Variants in KMT2C observed in about 807,000 individuals in gnomAD.
KMT2C encodes the protein histone-lysine N-methyltransferase 2C.
KMT2C carries 88 observed loss-of-function variants against 507.9 expected under a neutral mutation model. The ratio of observed to expected loss-of-function variants is 0.17; its 90% CI spans 0.15 to 0.21. KMT2C has a LOEUF of 0.21. KMT2C is among the 10% of genes least tolerant of loss of function. The pLI is 1.00. For synonymous variants in KMT2C, 2,049 were observed against 2,080.8 expected (o/e 0.98, Z 0.42); for missense variants, 4,954 against 5,957.8 (o/e 0.83, Z 5.55).
intron 50 of KMT2C, 40 bp from the exon 51 acceptor site, chr7:152,151,047 C>A: frequency 1.6e-6 from 2 of 1,240,430 alleles, no homozygotes; most frequent in South Asian, 1.3e-5. Flanking sequence ...CTCAACAAGT[C>A]AAAATTTAAT....
chr7:152,139,960 T>G (rs1221236301), intron 55 of KMT2C, among the ~76,000 whole-genome samples, 169 bp from the exon 56 acceptor site: 1 of 152,212 alleles, frequency 6.6e-6, no homozygotes, highest in Non-Finnish European at 1.5e-5. Flanking sequence ...AATTGGACAT[T>G]TTTACTACTT....
intron 31 of KMT2C, among the ~76,000 whole-genome samples, chr7:152,192,551 GA>G (rs957035307): frequency 0.012 from 1,585 of 135,008 alleles, 29 homozygotes; most frequent in African/African-American, 0.04. Context: ...AGAAAAAAAA[GA>G]AAAAAAAAAA....
intron 6 of KMT2C, among the ~76,000 whole-genome samples, chr7:152,298,838 G>C (rs1002881988): frequency 2.0e-5 from 3 of 152,094 alleles, no homozygotes; most frequent in Non-Finnish European, 4.4e-5. Flanking sequence ...CAAATGCATG[G>C]CAGCAATAGC....
intron 20 of KMT2C, 113 bp downstream of exon 20, chr7:152,223,902 A>G (rs2094850961): frequency 1.2e-6 from 1 of 802,902 alleles, no homozygotes; most frequent in South Asian, 2.1e-5. Flanking sequence ...CTACAAGGCA[A>G]AAAGTTCTGT....
chr7:152,414,786 G>A (rs2097717665), intron 1 of KMT2C, among the ~76,000 whole-genome samples: 1 of 151,794 alleles, frequency 6.6e-6, no homozygotes, highest in African/African-American at 2.4e-5. Context: ...GTGAGCCACT[G>A]CACCTGGCCT....
intron 6 of KMT2C, among the ~76,000 whole-genome samples, chr7:152,306,867 A>G (rs888031605): frequency 6.6e-6 from 1 of 152,224 alleles, no homozygotes; most frequent in South Asian, 2.1e-4. Flanking sequence ...AATGAAGAAT[A>G]ATGAACAAAA....
intron 38 of KMT2C, among the ~76,000 whole-genome samples, chr7:152,175,481 C>CT (rs398006768): frequency 1.3e-5 from 2 of 151,842 alleles, no homozygotes; most frequent in African/African-American, 4.8e-5. Flanking sequence ...CCCCCACCCC[C>CT]GACAGGTTCC....
At chr7:152,359,641 G>A (rs2097179770) in intron 1 of KMT2C, among the ~76,000 whole-genome samples, 1 of 151,652 alleles carries the variant, frequency 6.6e-6, no homozygotes, top group Non-Finnish European at 1.5e-5. Flanking sequence ...CAAACATGGT[G>A]GCGTGCCAGT....
chr7:152,236,542 C>T (rs910675516), intron 15 of KMT2C, among the ~76,000 whole-genome samples: 4 of 152,150 alleles, frequency 2.6e-5, no homozygotes, highest in African/African-American at 9.7e-5. Flanking sequence ...GCTACATCAG[C>T]GTGAAAGTTC....
chr7:152,199,536 A>T (rs2094070252), intron 26 of KMT2C, 77 bp from the exon 27 acceptor site: 1 of 866,656 alleles, frequency 1.2e-6, no homozygotes, highest in Non-Finnish European at 1.7e-6. Context: ...ATGGTTTTTG[A>T]CAAGGAAGCA....
At chr7:152,257,714 A>T (rs2095684034) in intron 9 of KMT2C, among the ~76,000 whole-genome samples, 1 of 152,162 alleles carries the variant, frequency 6.6e-6, no homozygotes, top group Non-Finnish European at 1.5e-5. Flanking sequence ...TAAGTTATGC[A>T]TATGTATATG....
intron 1 of KMT2C, chr7:152,367,096 G>A (rs2097253478): frequency 6.0e-6 from 5 of 834,722 alleles, no homozygotes; most frequent in African/African-American, 5.1e-5. Flanking sequence ...TTTTTATCCA[G>A]AGAAGGAACA....
chr7:152,422,824 T>C (rs1461989626), intron 1 of KMT2C, among the ~76,000 whole-genome samples: 3 of 151,162 alleles, frequency 2.0e-5, no homozygotes, highest in African/African-American at 7.3e-5. Context: ...GAGATCAAGA[T>C]CAACCTGGCT....
Position 152,139,756 on chromosome 7 carries a change from T to C in KMT2C, c.14379A>G (p.Lys4793=). 2.5e-6 allele frequency: 4 copies of C among 1,614,154 alleles called. No individual in the cohort carries two copies. Among genetic ancestry groups the C allele is most frequent in the Non-Finnish European group, 3.4e-6 (4 of 1,180,020 alleles). ...CGATGTACTCAATGACCATGGTGTGTTTCTCAATGTCTCGAGCAGCATACA... is the reference window on the plus strand; with the variant it reads ...CGATGTACTCAATGACCATGGTGTGCTTCTCAATGTCTCGAGCAGCATACA... ...LGLYAARDIE[K]HTMVIEYIGT... is the part of the protein sequence containing the mutation. Residue 4793 remains lysine, a synonymous_variant, in exon 56 of 59, where the codon AAA becomes AAG. Transcript: ENST00000262189.
intron 14 of KMT2C, among the ~76,000 whole-genome samples, chr7:152,245,881 A>C (rs1238902713): frequency 6.6e-6 from 1 of 152,202 alleles, no homozygotes; most frequent in Non-Finnish European, 1.5e-5. Flanking sequence ...TTAACAAAAA[A>C]TAGCTGGAAA....
At chr7:152,306,324 A>G (rs2096615417) in intron 6 of KMT2C, among the ~76,000 whole-genome samples, 1 of 152,180 alleles carries the variant, frequency 6.6e-6, no homozygotes, top group Admixed American at 6.5e-5. Context: ...CTATGGTTCT[A>G]AGAATCAGAG....
Position 152,400,283 on chromosome 7 carries a change from T to C in KMT2C, c.161+35343A>G, listed in dbSNP as rs532061417. Among the ~76,000 whole-genome samples, 7 of 144,808 alleles carry C rather than the reference T, an allele frequency of 4.8e-5. No homozygotes were observed. The South Asian group carries it at 8.9e-4, about 18-fold the overall frequency. 95.0% of individuals were successfully genotyped at this position (144,808 alleles called of 152,430 possible). A position where few individuals can be genotyped will look rare whatever the true frequency, so the allele number is the denominator to read the frequency against. On this transcript the variant is annotated intron_variant, in intron 1 of 58. Coordinates refer to ENST00000262189, the MANE Select transcript of KMT2C (RefSeq NM_170606.3). ...AAGATGGTACCACTGCACTCCAGCC[T>C]GGGCAACAGAGCAAGACTCCGTCTC... is the stretch of plus-strand genomic sequence containing the variant.
Position 152,163,169 on chromosome 7 carries a change from G to C in KMT2C, c.10408C>G (p.Gln3470Glu). The change falls in exon 43 of 59, where the codon CAG becomes GAG. Residue 3470 changes from glutamine to glutamate, a missense_variant. Gln to Glu is a conservative substitution (Grantham distance 29, BLOSUM62 2). Transcript: ENST00000262189. ...TGCTGTTGGTGTTGTGGAGACTGCT[G>C]AAGGGGTCCTAGAGGTTGCATAAAA... is the stretch of plus-strand genomic sequence containing the variant. Reference protein sequence around the residue: ...CDFMQPLGPLQQSPQHQQQMG... With the variant: ...CDFMQPLGPLEQSPQHQQQMG... 6.2e-7 allele frequency: 1 copy of C among 1,614,214 alleles called. No homozygotes were observed. Among genetic ancestry groups the C allele is most frequent in the Non-Finnish European group, 8.5e-7 (1 of 1,180,036 alleles).
At chr7:152,152,266 G>GGCC (rs1245505979) in intron 49 of KMT2C, among the ~76,000 whole-genome samples, 4 of 152,182 alleles carry the variant, frequency 2.6e-5, no homozygotes, top group Non-Finnish European at 5.9e-5. Flanking sequence ...GGAAGAGAAG[G>GGCC]GCCCTATAGA....
Sources: allele counts gnomAD v4.1 joint callset (sites outside exome capture counted in the v4.1 genomes callset), GRCh38; gene constraint gnomAD v4.1.1; transcripts MANE v1.5; gene names NCBI Gene and HGNC (gene_info 2026-07-23, HGNC 2026-07-21).